KLHL15: variants seen among roughly 807,000 people sequenced by gnomAD.
KLHL15 encodes kelch-like protein 15.
Under a neutral mutation model 29.3 loss-of-function variants are expected in KLHL15, and 1 was observed. The observed-to-expected ratio is 0.03, with a 90% confidence interval of 0.01 to 0.16. KLHL15 has a LOEUF of 0.16. KLHL15 is among the 10% of genes least tolerant of loss of function. The pLI, the probability that KLHL15 is intolerant of heterozygous loss-of-function variation, is 1.00. For missense variants in KLHL15, 215 were observed against 478.5 expected (o/e 0.45, Z 5.14); for synonymous variants, 212 against 184.5 (o/e 1.15, Z -1.21).
intron 2 of KLHL15, among the ~76,000 whole-genome samples, chrX:24,012,307 G>A (rs1929591939): frequency 8.9e-6 from 1 of 111,821 alleles, no homozygotes; most frequent in African/African-American, 3.2e-5. Flanking sequence ...GGCCCTAATT[G>A]GTCCAATTCA....
At chrX:23,994,056 A>AAG (rs1466618498) in intron 3 of KLHL15, among the ~76,000 whole-genome samples, 2 of 108,174 alleles carry the variant, frequency 1.8e-5, no homozygotes, top group African/African-American at 6.8e-5. Context: ...CAAAAAAAAA[A>AAG]AAAAAAGAAA....
At position 23,987,913 on chromosome X, in the gene KLHL15, G is replaced by C. The variant is rs780961925; in HGVS notation, c.*8C>G. On this transcript the variant is annotated 3_prime_UTR_variant, in exon 4 of 4. Coordinates refer to ENST00000328046, the MANE Select transcript of KLHL15 (RefSeq NM_030624.3). Reference sequence around the variant, plus strand: ...TGTTTGCCTCTTTTTTTAGGGAGGAGGATGTCATTAGTTGCAACGCCTGAC... The same window carrying C: ...TGTTTGCCTCTTTTTTTAGGGAGGACGATGTCATTAGTTGCAACGCCTGAC... The C allele has an allele frequency of 1.6e-5, 19 of 1,176,760 alleles. No homozygotes were observed. In the South Asian group the frequency reaches 1.7e-4, roughly 11 times the overall value.
At chrX:24,020,662 A>G (rs1162546983) in intron 2 of KLHL15, among the ~76,000 whole-genome samples, 2 of 111,630 alleles carry the variant, frequency 1.8e-5, no homozygotes, top group African/African-American at 6.5e-5. Context: ...TTCTCTGCTT[A>G]TTCCACACTA....
At chrX:23,991,353 C>CAA (rs35278201) in intron 3 of KLHL15, among the ~76,000 whole-genome samples, 4,516 of 55,387 alleles carry the variant, frequency 0.082, 199 homozygotes, top group South Asian at 0.17. Context: ...AACTCTGTCT[C>CAA]AAAAAAAAAA....
rs200193884 is a variant in KLHL15, at chrX:24,006,208, A to G, written c.486T>C (p.Phe162=). 4.7e-5 allele frequency: 57 copies of G among 1,209,814 alleles called. No homozygotes were observed. In the East Asian group the frequency reaches 1.6e-3, roughly 33 times the overall value. ...EKLDTFLLDN[F]VPLMSRPDFL... is the part of the protein sequence containing the mutation. ...AGTCAGGCCTAGACATGAGTGGCAC[A>G]AAGTTGTCTAGCAGAAAGGTGTCTA... The change falls in exon 3 of 4, where the codon TTT becomes TTC. Residue 162 remains phenylalanine, a synonymous_variant. Coordinates refer to ENST00000328046, the MANE Select transcript of KLHL15 (RefSeq NM_030624.3).
chrX:24,003,563 A>C (rs960540182), intron 3 of KLHL15, among the ~76,000 whole-genome samples: 2 of 64,081 alleles, frequency 3.1e-5, no homozygotes, highest in Non-Finnish European at 6.2e-5. Context: ...AAAAAAAACC[A>C]AAAAAAAAAA....
chrX:24,022,367 G>A (rs755699534), intron 2 of KLHL15, among the ~76,000 whole-genome samples: 329 of 90,814 alleles, frequency 3.6e-3, no homozygotes, highest in African/African-American at 0.011. Flanking sequence ...AAAAGGCTGG[G>A]CACGGTGGCT....
chrX:23,983,998 C>G lies in KLHL15; in HGVS notation c.*3923G>C, dbSNP rs1928943895. 9.0e-6 allele frequency: 1 copy of G among 111,457 alleles called. No individual in the cohort carries two copies. The highest frequency in any genetic ancestry group is 3.7e-4 in the South Asian group (1 of 2,699). 9.2% of individuals were successfully genotyped at this position (111,457 alleles called of 1,213,427 possible). A position where few individuals can be genotyped will look rare whatever the true frequency, so the allele number is the denominator to read the frequency against. ...TATTTTTCTATAGACAAAGTATGCC[C>G]AAGAGGTATAGGGCATATACAAGTT... is the stretch of plus-strand genomic sequence containing the variant. On this transcript the variant is annotated 3_prime_UTR_variant, in exon 4 of 4. Transcript: ENST00000328046.
intron 2 of KLHL15, among the ~76,000 whole-genome samples, chrX:24,018,312 T>G (rs1929732463): frequency 9.0e-6 from 1 of 111,495 alleles, no homozygotes; most frequent in Non-Finnish European, 1.9e-5. Context: ...GAGGAAAAAT[T>G]TAAGAGGCTT....
intron 2 of KLHL15, among the ~76,000 whole-genome samples, chrX:24,013,436 TTTA>T (rs1449015409): frequency 9.1e-6 from 1 of 110,199 alleles, no homozygotes; most frequent in Non-Finnish European, 1.9e-5. Context: ...CTAATTTTTT[TTTA>T]TTTTTAGTAG....
rs752186997 is a variant in KLHL15, at chrX:24,016,431, G to A, written c.-8+8426C>T. ...TGTAATCCCAGCATATTGGGAGGCC[G>A]AGGCAAGTGGATCACTTGAGGTCAG... On this transcript the variant is annotated intron_variant, in intron 2 of 3. Transcript: ENST00000328046. 3.8e-5 allele frequency among the ~76,000 whole-genome samples: 4 copies of A among 106,039 alleles called. No homozygotes were observed. In the East Asian group the frequency reaches 9.1e-4, roughly 24 times the overall value. 92.1% of individuals were successfully genotyped at this position (106,039 alleles called of 115,157 possible). A position where few individuals can be genotyped will look rare whatever the true frequency, so the allele number is the denominator to read the frequency against.
At position 23,985,185 on chromosome X, in the gene KLHL15, T is replaced by C. The variant is rs979414113; in HGVS notation, c.*2736A>G. ...TTTTTGTGAACTCTGGCATTTGAGA[T>C]ATAAAGTGAAAACAACACGCATAAA... is the stretch of plus-strand genomic sequence containing the variant. On this transcript the variant is annotated 3_prime_UTR_variant, in exon 4 of 4. Coordinates refer to ENST00000328046, the MANE Select transcript of KLHL15 (RefSeq NM_030624.3). 5 of 111,791 alleles carry C rather than the reference T, an allele frequency of 4.5e-5. No homozygotes were observed. Among genetic ancestry groups the C allele is most frequent in the Non-Finnish European group, 9.4e-5 (5 of 53,144 alleles). The allele number at this position is 111,791 out of a possible 1,213,427, so 9.2% of individuals were successfully genotyped here.
intron 1 of KLHL15, among the ~76,000 whole-genome samples, chrX:24,025,676 G>A (rs1269863329): frequency 9.7e-6 from 1 of 102,753 alleles, no homozygotes; most frequent in Non-Finnish European, 2.0e-5. Flanking sequence ...AGCCCAAAAC[G>A]CGTCACTTCC....
At chrX:24,001,802 C>CAAA (rs766669649) in intron 3 of KLHL15, among the ~76,000 whole-genome samples, 993 of 22,044 alleles carry the variant, frequency 0.045, 30 homozygotes, top group Admixed American at 0.076. Context: ...AGACTTGACT[C>CAAA]AAAAAAAAAA....
chrX:24,017,493 G>A (rs1193047175), intron 2 of KLHL15, among the ~76,000 whole-genome samples: 1 of 110,414 alleles, frequency 9.1e-6, no homozygotes, highest in Non-Finnish European at 1.9e-5. Flanking sequence ...ATTTATAACA[G>A]ATCAGAGTCA....
rs376144826 is a variant in KLHL15 at position 23,988,657 on chromosome X, A to T, written c.1079T>A (p.Leu360Gln). 9.1e-6 allele frequency: 11 copies of T among 1,209,877 alleles called. No homozygotes were observed. The highest frequency in any genetic ancestry group is 1.7e-5 in the African/African-American group (1 of 57,158). ...FRYDPRQNSWLQMADMSVPRS... is the reference protein window; with the variant it reads ...FRYDPRQNSWQQMADMSVPRS... ...TGGTACAGACATATCTGCCATCTGCAGCCAGGAGTTCTGTCTCGGGTCATA... is the reference window on the plus strand; with the variant it reads ...TGGTACAGACATATCTGCCATCTGCTGCCAGGAGTTCTGTCTCGGGTCATA... The change falls in exon 4 of 4, where the codon CTG becomes CAG. Residue 360 changes from leucine (L) to glutamine (Q), a missense_variant. By Grantham distance (113) the Leu-to-Gln change is moderately radical. Transcript: ENST00000328046.
At chrX:23,996,358 C>A (rs1329760540) in intron 3 of KLHL15, among the ~76,000 whole-genome samples, 1 of 112,254 alleles carries the variant, frequency 8.9e-6, no homozygotes, top group African/African-American at 3.2e-5. Flanking sequence ...TATCGTGGTG[C>A]TTTAATGCTG....
chrX:23,983,906 T>C lies in KLHL15; in HGVS notation c.*4015A>G, dbSNP rs1241782877. 9.0e-6 allele frequency: 1 copy of C among 111,496 alleles called. No individual in the cohort carries two copies. Among genetic ancestry groups the C allele is most frequent in the African/African-American group, 3.3e-5 (1 of 30,719 alleles). The allele number at this position is 111,496 out of a possible 1,213,427, so 9.2% of individuals were successfully genotyped here. ...GTATAAAAGGCAAACCTTAAATTAT[T>C]CTAAGATTTTTATATCGGCCCTAGG... On this transcript the variant is annotated 3_prime_UTR_variant, in exon 4 of 4. Transcript: ENST00000328046.
In KLHL15 at chrX:24,006,229, G is replaced by C. The variant is rs769194076; in HGVS notation, c.465C>G (p.Asp155Glu). Reference protein sequence around the residue: ...VNIEGVREKLDTFLLDNFVPL... With the variant: ...VNIEGVREKLETFLLDNFVPL... ...GCACAAAGTTGTCTAGCAGAAAGGT[G>C]TCTAACTTCTCCCTGACTCCCTCGA... Residue 155 changes from aspartate (D) to glutamate (E), a missense_variant, in exon 3 of 4, where the codon GAC becomes GAG. Asp to Glu is a conservative substitution (Grantham distance 45, BLOSUM62 2). Transcript: ENST00000328046. The C allele has an allele frequency of 1.7e-6, 2 of 1,211,285 alleles. No individual in the cohort carries two copies. The highest frequency in any genetic ancestry group is 2.2e-5 in the Admixed American group (1 of 45,989).
Sources: allele counts gnomAD v4.1 joint callset (sites outside exome capture counted in the v4.1 genomes callset), GRCh38; gene constraint gnomAD v4.1.1; transcripts MANE v1.5; gene names NCBI Gene and HGNC (gene_info 2026-07-23, HGNC 2026-07-21).